The following GSE1 variants were observed in gnomAD, a reference collection of about 807,000 sequenced individuals.
The protein encoded by GSE1 is Gse1 coiled-coil protein, also known as genetic suppressor element 1.
In GSE1, 32 loss-of-function variants were observed where a neutral mutation model predicts 112.6. The ratio of observed to expected loss-of-function variants is 0.28; its 90% CI spans 0.21 to 0.38. GSE1 has a LOEUF of 0.38. Among genes scored for constraint, GSE1 ranks in the 10% least tolerant of loss-of-function variants. The probability of loss-of-function intolerance (pLI) is 1.00; values close to 1 mark genes in which losing one functional copy is unlikely to be tolerated. For synonymous variants in GSE1, 1,115 were observed against 735.6 expected (o/e 1.52, Z -8.35); for missense variants, 2,348 against 1,699.2 (o/e 1.38, Z -6.71).
chr16:85,361,497 C>T (rs2047081165), intron 2 of GSE1, among the ~76,000 whole-genome samples: 1 of 152,380 alleles, frequency 6.6e-6, no homozygotes, highest in Non-Finnish European at 1.5e-5. Context: ...TGAGCCCTCT[C>T]AGCCCTCTCT....
intron 1 of GSE1, among the ~76,000 whole-genome samples, chr16:85,279,593 T>TTCAA (rs1567658844): frequency 1.3e-5 from 2 of 151,988 alleles, no homozygotes; most frequent in South Asian, 2.1e-4. Context: ...AAGACCCTGT[T>TTCAA]TCAATCAATC....
chr16:85,482,163 G>GTGA (rs796986173), intron 2 of GSE1, among the ~76,000 whole-genome samples: 52 of 152,352 alleles, frequency 3.4e-4, no homozygotes, highest in African/African-American at 1.3e-3. Flanking sequence ...GTGTCTCCAG[G>GTGA]TGATGCCCAG....
intron 2 of GSE1, among the ~76,000 whole-genome samples, chr16:85,430,479 G>GA: frequency 6.6e-6 from 1 of 152,226 alleles, no homozygotes; most frequent in South Asian, 2.1e-4. Context: ...ACTGTGCTGG[G>GA]AGGGTGGCCA....
At chr16:85,639,134 C>T (rs1336749596) in intron 2 of GSE1, among the ~76,000 whole-genome samples, 1 of 152,216 alleles carries the variant, frequency 6.6e-6, no homozygotes, top group Non-Finnish European at 1.5e-5. Flanking sequence ...CCCTGTTCTG[C>T]CCTGGTGGCT....
At chr16:85,572,383 AC>A (rs1459491940) in intron 1 of GSE1, among the ~76,000 whole-genome samples, 1 of 135,476 alleles carries the variant, frequency 7.4e-6, no homozygotes, top group East Asian at 2.3e-4. Context: ...CACACCACAT[AC>A]CCCCACACAC....
At chr16:85,555,374 G>A (rs575711714), upstream of GSE1, 3 of 983,714 alleles carry the variant, frequency 3.0e-6, no homozygotes, top group Admixed American at 6.2e-5. Flanking sequence ...GGGACGCCGG[G>A]CCAGGGAGAT....
At chr16:85,591,150 C>T (rs2046987402) in intron 1 of GSE1, among the ~76,000 whole-genome samples, 1 of 152,194 alleles carries the variant, frequency 6.6e-6, no homozygotes, top group African/African-American at 2.4e-5. Context: ...TGGGGTCCTT[C>T]CCTGTAGTCC....
At chr16:85,665,924 C>G (rs897950412) in intron 12 of GSE1, 52 bp from the exon 13 acceptor site, 13 of 1,580,500 alleles carry the variant, frequency 8.2e-6, no homozygotes, top group Non-Finnish European at 1.1e-5. Flanking sequence ...GCTGGACACT[C>G]AGCCTGTTAA....
At chr16:85,613,715 G>A (rs1323109106) in intron 1 of GSE1, among the ~76,000 whole-genome samples, 1 of 142,810 alleles carries the variant, frequency 7.0e-6, no homozygotes. Context: ...AAAGTGGGGG[G>A]ATGGGGGTGG....
At chr16:85,345,086 C>G (rs1477030929) in intron 1 of GSE1, among the ~76,000 whole-genome samples, 2 of 150,262 alleles carry the variant, frequency 1.3e-5, no homozygotes, top group Middle Eastern at 3.4e-3. Flanking sequence ...CTCCCACCCC[C>G]TCCTAAACCC....
intron 1 of GSE1, among the ~76,000 whole-genome samples, chr16:85,198,046 G>A (rs1405813390): frequency 1.3e-5 from 2 of 152,124 alleles, no homozygotes; most frequent in East Asian, 1.9e-4. Context: ...GGCGAGTCCT[G>A]TTCCAGCAGA....
At chr16:85,391,019 A>T (rs1034918545) in intron 2 of GSE1, among the ~76,000 whole-genome samples, 1 of 151,868 alleles carries the variant, frequency 6.6e-6, no homozygotes, top group Non-Finnish European at 1.5e-5. Flanking sequence ...GGGAGTTGAC[A>T]GGACAAGGCG....
intron 1 of GSE1, among the ~76,000 whole-genome samples, chr16:85,560,165 C>T (rs2045449807): frequency 8.9e-6 from 1 of 112,428 alleles, no homozygotes. Context: ...GAGACGGAGT[C>T]TCTCTCTCTT....
intron 1 of GSE1, among the ~76,000 whole-genome samples, chr16:85,275,539 A>C (rs1296637855): frequency 6.6e-6 from 1 of 152,158 alleles, no homozygotes; most frequent in Non-Finnish European, 1.5e-5. Context: ...GCACCAGTGA[A>C]AAGAGAAGAT....
At chr16:85,367,267 C>T (rs552573491) in intron 2 of GSE1, among the ~76,000 whole-genome samples, 58 of 152,356 alleles carry the variant, frequency 3.8e-4, no homozygotes, top group South Asian at 2.5e-3. Flanking sequence ...AACTTCACCA[C>T]GGCTCCGATC....
intron 2 of GSE1, among the ~76,000 whole-genome samples, chr16:85,404,010 T>C (rs62048541): frequency 0.46 from 63,032 of 137,954 alleles, 13,414 homozygotes; most frequent in Middle Eastern, 0.56. Flanking sequence ...TCCCTCTCTG[T>C]GCCGTCCTTA....
chr16:85,191,674 G>A (rs1042467748), intron 1 of GSE1, among the ~76,000 whole-genome samples: 10 of 152,136 alleles, frequency 6.6e-5, no homozygotes, highest in Admixed American at 5.2e-4. Context: ...AACATCCCCC[G>A]GTGTTGCTAC....
At chr16:85,257,953 G>A (rs747035839) in intron 1 of GSE1, among the ~76,000 whole-genome samples, 4 of 152,244 alleles carry the variant, frequency 2.6e-5, no homozygotes, top group Non-Finnish European at 4.4e-5. Context: ...CAGGGGCCTA[G>A]GAGGGCTGGT....
chr16:85,348,296 TCATCCATC>T (rs57742912), intron 1 of GSE1, among the ~76,000 whole-genome samples: 9 of 151,256 alleles, frequency 6.0e-5, no homozygotes, highest in South Asian at 2.1e-4. Flanking sequence ...CATCCACTGT[TCATCCATC>T]CATCCATCCA....
Sources: gnomAD v4.1 joint callset for allele counts (sites outside exome capture counted in the v4.1 genomes callset) on GRCh38, gnomAD v4.1.1 for gene constraint, MANE v1.5 for transcripts, NCBI Gene and HGNC (gene_info 2026-07-23, HGNC 2026-07-21) for gene names.